Variants in ROBO2 observed in about 807,000 individuals in gnomAD.
The protein encoded by ROBO2 is roundabout homolog 2.
ROBO2 carries 53 observed loss-of-function variants against 160.8 expected under a neutral mutation model. The ratio of observed to expected loss-of-function variants is 0.33; its 90% CI spans 0.26 to 0.41. The LOEUF (loss-of-function observed/expected upper bound fraction) is 0.41. Among genes scored for constraint, ROBO2 ranks in the 10% least tolerant of loss-of-function variants. ROBO2 has a pLI of 1.00. For synonymous variants in ROBO2, 664 were observed against 611.7 expected, an observed-to-expected ratio of 1.09 and a Z score of -1.26; for missense variants, 1,577 against 1,722.4, an observed-to-expected ratio of 0.92 and a Z score of 1.49.
chr3:76,024,390 C>T (rs1246193867), intron 2 of ROBO2, among the ~76,000 whole-genome samples: 3 of 149,786 alleles, frequency 2.0e-5, no homozygotes, highest in African/African-American at 7.3e-5. Context: ...TTTTAAAAAC[C>T]TTGAGTCGAG....
intron 2 of ROBO2, among the ~76,000 whole-genome samples, chr3:76,353,125 G>A (rs1377689816): frequency 6.6e-6 from 1 of 151,940 alleles, no homozygotes; most frequent in Non-Finnish European, 1.5e-5. Context: ...AGGTTAAAAT[G>A]GAAAATGCAA....
At chr3:77,582,600 C>T (rs369265098) in intron 16 of ROBO2, among the ~76,000 whole-genome samples, 240 of 152,154 alleles carry the variant, frequency 1.6e-3, no homozygotes, top group Non-Finnish European at 2.1e-3. Context: ...ATTAGGTACA[C>T]CTCATTTCTT....
chr3:77,265,563 G>A (rs932364612), intron 2 of ROBO2, among the ~76,000 whole-genome samples: 2 of 152,074 alleles, frequency 1.3e-5, no homozygotes, highest in African/African-American at 4.8e-5. Flanking sequence ...TCTAAGTCAT[G>A]CTCCTTGAGA....
At chr3:76,514,481 C>A (rs2081254884) in intron 2 of ROBO2, among the ~76,000 whole-genome samples, 1 of 152,058 alleles carries the variant, frequency 6.6e-6, no homozygotes. Flanking sequence ...TCAGGATATT[C>A]TTCATTATCC....
At chr3:76,400,473 G>T (rs957125134) in intron 2 of ROBO2, among the ~76,000 whole-genome samples, 1 of 151,442 alleles carries the variant, frequency 6.6e-6, no homozygotes, top group East Asian at 1.9e-4. Flanking sequence ...TATGGGTTTT[G>T]CAAAAATTCT....
At chr3:77,068,273 G>C (rs2067066517) in intron 1 of ROBO2, among the ~76,000 whole-genome samples, 1 of 151,964 alleles carries the variant, frequency 6.6e-6, no homozygotes, top group South Asian at 2.1e-4. Flanking sequence ...ATATTTTTGT[G>C]ACAAAAGAAA....
At chr3:77,355,558 A>C (rs1301752273) in intron 2 of ROBO2, among the ~76,000 whole-genome samples, 1 of 152,166 alleles carries the variant, frequency 6.6e-6, no homozygotes, top group African/African-American at 2.4e-5. Context: ...GATTCAGGAA[A>C]TATGGTGAAG....
intron 2 of ROBO2, among the ~76,000 whole-genome samples, chr3:76,438,548 C>A (rs149475298): frequency 2.4e-3 from 364 of 151,768 alleles, no homozygotes; most frequent in Non-Finnish European, 4.2e-3. Flanking sequence ...ATAGACTGAG[C>A]AAGGTAAACA....
At chr3:77,512,313 G>T (rs904641118) in intron 5 of ROBO2, among the ~76,000 whole-genome samples, 1 of 151,938 alleles carries the variant, frequency 6.6e-6, no homozygotes, top group African/African-American at 2.4e-5. Context: ...AATTGTGAAT[G>T]GAGAGAGCAT....
Position 76,730,312 on chromosome 3 carries a change from T to C in ROBO2, c.110-367702T>C, listed in dbSNP as rs34464227. 1.3e-3 allele frequency among the ~76,000 whole-genome samples: 92 copies of C among 69,012 alleles called. 2 individuals carry two copies. Among genetic ancestry groups the C allele is most frequent in the African/African-American group, 3.9e-3 (39 of 9,900 alleles). 45.3% of individuals were successfully genotyped at this position (69,012 alleles called of 152,430 possible). ...TCCTCACCTCCTACTCCCTACCCGC[T>C]TCTCCTCACCTCCTACTCCCTACCC... On this transcript the variant is annotated intron_variant, in intron 2 of 26. Coordinates refer to the ROBO2 transcript ENST00000487694.
chr3:76,344,369 A>T (rs996895415), intron 2 of ROBO2, among the ~76,000 whole-genome samples: 3 of 152,140 alleles, frequency 2.0e-5, no homozygotes, highest in African/African-American at 7.2e-5. Flanking sequence ...TGTCTGCTTA[A>T]AGTATGAGAA....
At chr3:76,560,633 AAAG>A (rs1372399584) in intron 2 of ROBO2, among the ~76,000 whole-genome samples, 1 of 150,370 alleles carries the variant, frequency 6.7e-6, no homozygotes, top group Non-Finnish European at 1.5e-5. Context: ...AAAAAAAAGA[AAAG>A]AAAAGAAAAC....
intron 2 of ROBO2, among the ~76,000 whole-genome samples, chr3:76,829,829 C>T (rs1485992357): frequency 2.6e-5 from 4 of 152,046 alleles, no homozygotes; most frequent in South Asian, 2.1e-4. Context: ...CCACCATGCC[C>T]GGCTAATTTT....
Position 76,411,862 on chromosome 3 carries a change from A to G in ROBO2, c.109+474260A>G, listed in dbSNP as rs372104756. Among the ~76,000 whole-genome samples the G allele has an allele frequency of 6.6e-5, 10 of 152,346 alleles. No homozygotes were observed. The East Asian group carries it at 1.5e-3, about 24-fold the overall frequency. Reference sequence around the variant, plus strand: ...AGAAGATTATAGGGTTATCAAGGCCATGCAACTTGTGCCTTTCAGTGGAAA... The same window carrying G: ...AGAAGATTATAGGGTTATCAAGGCCGTGCAACTTGTGCCTTTCAGTGGAAA... On this transcript the variant is annotated intron_variant, in intron 2 of 26. Coordinates refer to the ROBO2 transcript ENST00000487694.
chr3:76,106,476 G>A (rs1298615921), intron 2 of ROBO2, among the ~76,000 whole-genome samples: 1 of 152,016 alleles, frequency 6.6e-6, no homozygotes, highest in Non-Finnish European at 1.5e-5. Flanking sequence ...TATTTGCTTG[G>A]ACTTGAATAG....
At chr3:76,587,186 T>C (rs1169843609) in intron 2 of ROBO2, among the ~76,000 whole-genome samples, 4 of 152,168 alleles carry the variant, frequency 2.6e-5, no homozygotes. Flanking sequence ...AATAACTGTG[T>C]GAAACCATAT....
intron 2 of ROBO2, among the ~76,000 whole-genome samples, chr3:77,149,076 C>T (rs1339337349): frequency 6.7e-6 from 1 of 149,140 alleles, no homozygotes; most frequent in Non-Finnish European, 1.5e-5. Context: ...CGCACTGTCA[C>T]CCAGGCTGGA....
intron 2 of ROBO2, among the ~76,000 whole-genome samples, chr3:76,993,803 C>G (rs1198087770): frequency 1.3e-5 from 2 of 151,928 alleles, no homozygotes; most frequent in African/African-American, 2.4e-5. Context: ...CTCCAAATAC[C>G]CATGCATTTC....
At chr3:77,554,453 G>T (rs773334757) in intron 8 of ROBO2, among the ~76,000 whole-genome samples, 1 of 151,950 alleles carries the variant, frequency 6.6e-6, no homozygotes, top group Admixed American at 6.6e-5. Flanking sequence ...GGCTATAGCT[G>T]CTGTAGACAG....
Sources: allele counts gnomAD v4.1 joint callset (sites outside exome capture counted in the v4.1 genomes callset), GRCh38; gene constraint gnomAD v4.1.1; transcripts MANE v1.5; gene names NCBI Gene and HGNC (gene_info 2026-07-23, HGNC 2026-07-21).